Variants in CCDC102B observed in about 807,000 individuals in gnomAD.
The protein encoded by CCDC102B is coiled-coil domain containing 102B.
CCDC102B carries 75 observed loss-of-function variants against 57.4 expected under a neutral mutation model. That is an observed-to-expected ratio of 1.31 (90% CI 1.08 to 1.58). The LOEUF is 1.58. CCDC102B is among the 40% of genes most tolerant of loss of function. The pLI is 0.00. For missense variants in CCDC102B, 636 were observed against 582.6 expected, an observed-to-expected ratio of 1.09 and a Z score of -0.94; for synonymous variants, 206 against 201.9, an observed-to-expected ratio of 1.02 and a Z score of -0.17.
intron 7 of CCDC102B, among the ~76,000 whole-genome samples, chr18:69,045,845 A>C (rs1434641052): frequency 6.6e-6 from 1 of 152,108 alleles, no homozygotes; most frequent in Non-Finnish European, 1.5e-5. Context: ...CTTATGTGTG[A>C]GAACATGTGG....
intron 1 of CCDC102B, among the ~76,000 whole-genome samples, chr18:68,799,046 TA>T (rs2035743743): frequency 6.6e-6 from 1 of 152,076 alleles, no homozygotes; most frequent in African/African-American, 2.4e-5. Context: ...TTTTCTAAAA[TA>T]ATGTGAATGT....
At chr18:68,735,232 T>C (rs1316424081) in intron 2 of CCDC102B, among the ~76,000 whole-genome samples, 1 of 151,756 alleles carries the variant, frequency 6.6e-6, no homozygotes, top group African/African-American at 2.4e-5. Flanking sequence ...TTGTATTTTT[T>C]TTTTTTAGGA....
intron 5 of CCDC102B, among the ~76,000 whole-genome samples, chr18:68,886,971 G>T (rs548839893): frequency 0.26 from 40,098 of 151,702 alleles, 6,184 homozygotes; most frequent in Non-Finnish European, 0.35. Flanking sequence ...TGACTTATGA[G>T]GCAATCCCAT....
chr18:68,964,179 T>C (rs1330088455), intron 6 of CCDC102B, among the ~76,000 whole-genome samples: 1 of 151,980 alleles, frequency 6.6e-6, no homozygotes, highest in Non-Finnish European at 1.5e-5. Context: ...TTGTGCTTTC[T>C]ATTAAATTAT....
At chr18:68,986,543 T>C (rs968888200) in intron 6 of CCDC102B, among the ~76,000 whole-genome samples, 1 of 152,120 alleles carries the variant, frequency 6.6e-6, no homozygotes, top group Non-Finnish European at 1.5e-5. Flanking sequence ...CCATACTGAA[T>C]GGGCAAATGC....
chr18:68,778,287 T>C (rs576763896), intron 2 of CCDC102B, among the ~76,000 whole-genome samples: 4 of 152,282 alleles, frequency 2.6e-5, no homozygotes, highest in East Asian at 1.9e-4. Context: ...CATCCATCTT[T>C]TTCTAAGATT....
At position 68,899,197 on chromosome 18, in the gene CCDC102B, GGTA is replaced by G. The variant is rs1238020821; in HGVS notation, c.1263+1771_1263+1773del. ...CTAAAATAATCACTTATTTTGGAAC[GGTA>G]GCAAGCCAAAATTCTTAGTGCAACA... On this transcript the variant is annotated intron_variant, in intron 6 of 7. Coordinates refer to ENST00000360242, the MANE Select transcript of CCDC102B (RefSeq NM_024781.3). Among the ~76,000 whole-genome samples the G allele has an allele frequency of 2.6e-5, 4 of 151,956 alleles. No individual in the cohort carries two copies. The East Asian group carries it at 7.7e-4, about 29-fold the overall frequency.
chr18:68,949,458 C>G (rs1371842021), intron 6 of CCDC102B, among the ~76,000 whole-genome samples: 1 of 152,094 alleles, frequency 6.6e-6, no homozygotes, highest in African/African-American at 2.4e-5. Context: ...GCAGCACAAA[C>G]TAATACTATG....
chr18:68,797,764 T>C (rs2035682180), upstream of CCDC102B, among the ~76,000 whole-genome samples: 3 of 151,622 alleles, frequency 2.0e-5, no homozygotes, highest in Non-Finnish European at 4.4e-5. Context: ...GGGCTTTTTT[T>C]TTTTTTTGCT....
intron 3 of CCDC102B, among the ~76,000 whole-genome samples, chr18:68,845,426 T>C (rs560156683): frequency 6.6e-6 from 1 of 151,900 alleles, no homozygotes; most frequent in African/African-American, 2.4e-5. Flanking sequence ...TACCTGGAGC[T>C]CAAACATATA....
chr18:68,885,560 C>A (rs1434277485), intron 5 of CCDC102B, among the ~76,000 whole-genome samples: 3 of 152,006 alleles, frequency 2.0e-5, no homozygotes, highest in Non-Finnish European at 2.9e-5. Context: ...GACTTCTCAA[C>A]AAGCAACTCC....
rs1169097862 is a variant in CCDC102B, at chr18:68,860,475, C to CA, written c.936+14067dup. 5.5e-4 allele frequency among the ~76,000 whole-genome samples: 29 copies of CA among 53,072 alleles called. 1 individual carries two copies. Among genetic ancestry groups the CA allele is most frequent in the East Asian group, 1.1e-3 (2 of 1,826 alleles). 34.8% of individuals were successfully genotyped at this position (53,072 alleles called of 152,430 possible). On this transcript the variant is annotated intron_variant, in intron 4 of 7. Coordinates refer to ENST00000360242, the MANE Select transcript of CCDC102B (RefSeq NM_024781.3). The stretch of plus-strand genomic sequence containing the variant: ...AATTAAAAAAAAACAAAAACAAAAA[C>CA]AAAAAAAAAAAAAGACACTACAGGA...
intron 6 of CCDC102B, among the ~76,000 whole-genome samples, chr18:68,969,761 T>A (rs1358651070): frequency 6.6e-6 from 1 of 152,146 alleles, no homozygotes; most frequent in African/African-American, 2.4e-5. Flanking sequence ...TTAACTATGA[T>A]CATGTTTGTT....
chr18:68,874,656 C>G lies in CCDC102B; in HGVS notation c.937-13C>G. The G allele has an allele frequency of 6.5e-7, 1 of 1,542,820 alleles. No homozygotes were observed. Among genetic ancestry groups the G allele is most frequent in the Non-Finnish European group, 9.0e-7 (1 of 1,116,594 alleles). Reference sequence around the variant, plus strand: ...TAGCATCCTGTGATTGTAATTTCAACTTTCTTTTTCAGTTTGACATTCTTC... The same window carrying G: ...TAGCATCCTGTGATTGTAATTTCAAGTTTCTTTTTCAGTTTGACATTCTTC... On this transcript the variant is annotated splice_polypyrimidine_tract_variant and intron_variant, in intron 4 of 7. Transcript: ENST00000360242.
chr18:68,883,563 C>T (rs550579706), intron 5 of CCDC102B, among the ~76,000 whole-genome samples: 2 of 152,292 alleles, frequency 1.3e-5, no homozygotes, highest in African/African-American at 4.8e-5. Context: ...CCAGCCAATG[C>T]TTACACTTTT....
chr18:68,808,773 C>T (rs576231313), intron 1 of CCDC102B, among the ~76,000 whole-genome samples: 122 of 152,248 alleles, frequency 8.0e-4, no homozygotes, highest in African/African-American at 2.8e-3. Context: ...CCACAGCGCC[C>T]GGCTTACTAC....
chr18:68,874,871 T>A (rs2004027), intron 5 of CCDC102B, 86 bp downstream of exon 5: 228,298 of 816,470 alleles, frequency 0.28, 34,564 homozygotes, highest in East Asian at 0.41. Context: ...AGGGTAACGG[T>A]CGTGCCTTTG....
At chr18:68,750,978 C>CA (rs926664275) in intron 2 of CCDC102B, among the ~76,000 whole-genome samples, 2 of 150,622 alleles carry the variant, frequency 1.3e-5, no homozygotes, top group South Asian at 2.1e-4. Context: ...AACAAAGAAA[C>CA]AAAAAAAACT....
chr18:68,985,994 G>T (rs879316050), intron 6 of CCDC102B, among the ~76,000 whole-genome samples: 3 of 152,104 alleles, frequency 2.0e-5, no homozygotes, highest in Non-Finnish European at 4.4e-5. Flanking sequence ...AGTGATAACT[G>T]AAAAACTAAA....
Sources: gnomAD v4.1 joint callset for allele counts (sites outside exome capture counted in the v4.1 genomes callset) on GRCh38, gnomAD v4.1.1 for gene constraint, MANE v1.5 for transcripts, NCBI Gene and HGNC (gene_info 2026-07-23, HGNC 2026-07-21) for gene names.